BACH2: variants seen among roughly 807,000 people sequenced by gnomAD.
The protein encoded by BACH2 is BACH transcriptional regulator 2.
A neutral mutation model predicts 61.8 loss-of-function variants in BACH2; 5 were observed. The observed-to-expected ratio is 0.08, with a 90% CI of 0.04 to 0.17. BACH2 has a LOEUF of 0.17. BACH2 is among the 10% of genes least tolerant of loss of function. The probability of loss-of-function intolerance (pLI) is 1.00; values close to 1 mark genes in which losing one functional copy is unlikely to be tolerated. For missense variants in BACH2, 824 were observed against 1,091.1 expected (o/e 0.76, Z 3.45); for synonymous variants, 446 against 440.1 (o/e 1.01, Z -0.17).
At chr6:90,074,444 T>G (rs528653426) in intron 5 of BACH2, among the ~76,000 whole-genome samples, 124 of 152,292 alleles carry the variant, frequency 8.1e-4, no homozygotes, top group South Asian at 5.0e-3. Context: ...GTGGCAGCAG[T>G]TGTCAGTTGG....
chr6:90,195,659 T>C (rs1406199404), intron 4 of BACH2, among the ~76,000 whole-genome samples: 2 of 152,204 alleles, frequency 1.3e-5, no homozygotes, highest in African/African-American at 2.4e-5. Flanking sequence ...GTCACTCTAA[T>C]GATGTTATCT....
At chr6:90,222,359 C>T (rs1440118053) in intron 3 of BACH2, among the ~76,000 whole-genome samples, 1 of 152,126 alleles carries the variant, frequency 6.6e-6, no homozygotes, top group East Asian at 1.9e-4. Context: ...GTGGCTTCCA[C>T]AGTCCATGCA....
intron 4 of BACH2, among the ~76,000 whole-genome samples, chr6:90,147,231 A>G (rs1286010238): frequency 6.6e-6 from 1 of 152,254 alleles, no homozygotes; most frequent in African/African-American, 2.4e-5. Flanking sequence ...AAACTGCCAG[A>G]GAATGAGGAA....
intron 4 of BACH2, among the ~76,000 whole-genome samples, chr6:90,157,232 T>C (rs1284360911): frequency 1.3e-5 from 2 of 152,246 alleles, no homozygotes; most frequent in South Asian, 4.1e-4. Context: ...TCGAAACATA[T>C]GAGTTATTTG....
chr6:90,044,142 C>T (rs768610695), intron 5 of BACH2, among the ~76,000 whole-genome samples: 1 of 152,064 alleles, frequency 6.6e-6, no homozygotes, highest in East Asian at 1.9e-4. Context: ...AATATACACA[C>T]AAACGAATGA....
intron 4 of BACH2, among the ~76,000 whole-genome samples, chr6:90,129,080 A>G (rs1052674545): frequency 4.6e-5 from 7 of 152,086 alleles, no homozygotes; most frequent in Non-Finnish European, 1.0e-4. Context: ...GGATGGGGGA[A>G]GGGTGAAGGG....
chr6:90,028,400 G>A (rs1778750401), intron 5 of BACH2, among the ~76,000 whole-genome samples: 1 of 152,204 alleles, frequency 6.6e-6, no homozygotes, highest in African/African-American at 2.4e-5. Flanking sequence ...AAAAGTGCGT[G>A]CTTTGGATAC....
intron 7 of BACH2, among the ~76,000 whole-genome samples, chr6:89,939,498 G>T (rs1303717981): frequency 6.6e-6 from 1 of 152,138 alleles, no homozygotes; most frequent in East Asian, 1.9e-4. Context: ...TGCAACAATA[G>T]ACATTGGATG....
At chr6:90,128,601 T>C (rs1270425854) in intron 4 of BACH2, among the ~76,000 whole-genome samples, 1 of 152,074 alleles carries the variant, frequency 6.6e-6, no homozygotes, top group African/African-American at 2.4e-5. Context: ...CAAAAAATTT[T>C]ACACTGTTGG....
chr6:90,030,634 C>T (rs1778921591), intron 5 of BACH2, among the ~76,000 whole-genome samples: 1 of 152,000 alleles, frequency 6.6e-6, no homozygotes, highest in Non-Finnish European at 1.5e-5. Flanking sequence ...GACACATACA[C>T]CCTCCCAAGA....
chr6:90,170,043 T>C (rs970107224), intron 4 of BACH2, among the ~76,000 whole-genome samples: 1 of 152,232 alleles, frequency 6.6e-6, no homozygotes, highest in African/African-American at 2.4e-5. Flanking sequence ...TTTACTTTCT[T>C]ACTAAACAAG....
At chr6:90,106,653 T>G (rs1379139475) in intron 4 of BACH2, among the ~76,000 whole-genome samples, 1 of 152,224 alleles carries the variant, frequency 6.6e-6, no homozygotes, top group Non-Finnish European at 1.5e-5. Context: ...TATTATGAGG[T>G]GACAGGCATT....
At chr6:90,023,673 A>C (rs529704915) in intron 5 of BACH2, among the ~76,000 whole-genome samples, 12 of 152,262 alleles carry the variant, frequency 7.9e-5, no homozygotes, top group African/African-American at 2.6e-4. Context: ...TGGTATTTGG[A>C]GGTGGGGCCT....
chr6:89,997,115 T>C (rs1414222475), intron 6 of BACH2, among the ~76,000 whole-genome samples: 6 of 152,128 alleles, frequency 3.9e-5, no homozygotes, highest in Non-Finnish European at 8.8e-5. Context: ...AAATCCTCCT[T>C]TAATATAGCT....
chr6:90,257,137 T>C (rs566172433), intron 2 of BACH2, among the ~76,000 whole-genome samples: 4 of 152,220 alleles, frequency 2.6e-5, no homozygotes, highest in African/African-American at 4.8e-5. Context: ...CATCAGACAC[T>C]TAGGTTGTTT....
At chr6:89,949,962 A>G (rs915896854) in intron 7 of BACH2, among the ~76,000 whole-genome samples, 1 of 151,260 alleles carries the variant, frequency 6.6e-6, no homozygotes, top group African/African-American at 2.4e-5. Context: ...GGGAGGAGAA[A>G]GAGGGGGGTC....
At chr6:90,011,929 AATATGTGTGTGTGT>A (rs1288863554) in intron 5 of BACH2, among the ~76,000 whole-genome samples, 5 of 78,890 alleles carry the variant, frequency 6.3e-5, no homozygotes, top group Non-Finnish European at 1.4e-4. Flanking sequence ...CAAAAAAAAA[AATATGTGTGTGTGT>A]GTGTGTGTGT....
At chr6:90,134,595 G>T (rs1316944431) in intron 4 of BACH2, among the ~76,000 whole-genome samples, 1 of 152,218 alleles carries the variant, frequency 6.6e-6, no homozygotes, top group Non-Finnish European at 1.5e-5. Context: ...TAATAATTAT[G>T]CAGCAGAAAC....
At chr6:90,189,656 G>A (rs2127844214) in intron 4 of BACH2, among the ~76,000 whole-genome samples, 1 of 150,924 alleles carries the variant, frequency 6.6e-6, no homozygotes, top group Admixed American at 6.6e-5. Flanking sequence ...GCTTCCTTTG[G>A]CTTCAAACTA....
Sources: allele counts gnomAD v4.1 joint callset (sites outside exome capture counted in the v4.1 genomes callset), GRCh38; gene constraint gnomAD v4.1.1; transcripts MANE v1.5; gene names NCBI Gene and HGNC (gene_info 2026-07-23, HGNC 2026-07-21).